The following OGDH variants were observed in gnomAD, a reference collection of about 807,000 sequenced individuals.
The protein encoded by OGDH is 2-oxoglutarate dehydrogenase complex component E1.
In OGDH, 38 loss-of-function variants were observed where a neutral mutation model predicts 116.6. The ratio of observed to expected loss-of-function variants is 0.33; its 90% CI spans 0.25 to 0.43. The LOEUF (loss-of-function observed/expected upper bound fraction) is 0.43, where lower values mean the gene tolerates loss of function less well. Ranked by LOEUF, OGDH falls within the 20% of genes least tolerant of loss-of-function variation. OGDH has a pLI of 1.00. For missense variants in OGDH, 825 were observed against 1,357.2 expected (o/e 0.61, Z 6.16); for synonymous variants, 488 against 533.3 (o/e 0.92, Z 1.17).
rs1394353924 is a variant in OGDH at position 44,694,405 on chromosome 7, C to G, written c.1516-19C>G. On this transcript the variant is annotated intron_variant, in intron 11 of 22. Coordinates refer to ENST00000222673, the MANE Select transcript of OGDH (RefSeq NM_002541.4). The surrounding 1 kb of genome is among the most constrained non-coding windows in gnomAD (Gnocchi z 4.2). ...GGGGCCAGCCCTTGTCTCTGACATC[C>G]TCTCACTGCTCTGAGCAGGTGTGTT... is the stretch of plus-strand genomic sequence containing the variant. The G allele has an allele frequency of 1.2e-6, 2 of 1,612,898 alleles. No homozygotes were observed. The highest frequency in any genetic ancestry group is 1.7e-6 in the Non-Finnish European group (2 of 1,179,598).
chr7:44,610,394 C>G (rs1251775135), intron 1 of OGDH, among the ~76,000 whole-genome samples: 2 of 150,754 alleles, frequency 1.3e-5, no homozygotes, highest in Non-Finnish European at 3.0e-5. Flanking sequence ...ACCTCTGCCT[C>G]CCAGGTTCAA....
chr7:44,632,153 AAGG>A (rs1422312558), intron 2 of OGDH, among the ~76,000 whole-genome samples: 1 of 152,136 alleles, frequency 6.6e-6, no homozygotes, highest in Non-Finnish European at 1.5e-5. Context: ...CAGCAGGTAG[AAGG>A]AGAGCAAGTT....
intron 2 of OGDH, among the ~76,000 whole-genome samples, chr7:44,632,534 C>T (rs1411143463): frequency 6.6e-6 from 1 of 152,194 alleles, no homozygotes; most frequent in African/African-American, 2.4e-5. Flanking sequence ...AAACTCCTGG[C>T]TTCAAGCCAT....
chr7:44,698,431 C>A (rs564958091), intron 18 of OGDH, among the ~76,000 whole-genome samples, 168 bp downstream of exon 18: 1 of 152,166 alleles, frequency 6.6e-6, no homozygotes, highest in East Asian at 1.9e-4. Flanking sequence ...TGCTTCTGGG[C>A]GCCCTGGGAT....
chr7:44,625,737 A>G (rs1227053908), intron 2 of OGDH, among the ~76,000 whole-genome samples: 1 of 152,164 alleles, frequency 6.6e-6, no homozygotes. Flanking sequence ...GGGGCTTATC[A>G]CCAAAAGGAA....
At chr7:44,686,806 G>A (rs1004126054) in intron 10 of OGDH, among the ~76,000 whole-genome samples, 1 of 149,618 alleles carries the variant, frequency 6.7e-6, no homozygotes, top group African/African-American at 2.5e-5. Context: ...TCCTGCTTCA[G>A]CCTCCTGAGT....
rs948368040 is a variant in OGDH, at chr7:44,694,315, G to A, written c.1516-109G>A. The A allele has an allele frequency of 3.7e-6, 5 of 1,346,508 alleles. No homozygotes were observed. The highest frequency in any genetic ancestry group is 5.1e-6 in the Non-Finnish European group (5 of 985,770). 83.4% of individuals were successfully genotyped at this position (1,346,508 alleles called of 1,614,324 possible). ...AGGTAAACTCCAGGGCAGGCATGAGGAATGAAGAACGTGGCCATCACCTAG... is the reference window on the plus strand; with the variant it reads ...AGGTAAACTCCAGGGCAGGCATGAGAAATGAAGAACGTGGCCATCACCTAG... On this transcript the variant is annotated intron_variant, in intron 11 of 22. Coordinates refer to ENST00000222673, the MANE Select transcript of OGDH (RefSeq NM_002541.4). This position sits in a 1 kb window ranked among gnomAD's most constrained non-coding sequence, Gnocchi z 4.2.
At chr7:44,614,657 C>T (rs1226468416) in intron 1 of OGDH, among the ~76,000 whole-genome samples, 1 of 152,016 alleles carries the variant, frequency 6.6e-6, no homozygotes, top group African/African-American at 2.4e-5. Context: ...TCTACATCTT[C>T]TCTTTGCTGA....
At chr7:44,681,573 G>T in intron 9 of OGDH, 147 bp from the exon 10 acceptor site, 2 of 1,012,562 alleles carry the variant, frequency 2.0e-6, no homozygotes, top group Non-Finnish European at 2.9e-6. Flanking sequence ...GGGATTTGGG[G>T]CCCTGTGGAC....
At chr7:44,655,200 A>C (rs1483122272) in intron 4 of OGDH, among the ~76,000 whole-genome samples, 1 of 152,086 alleles carries the variant, frequency 6.6e-6, no homozygotes, top group Non-Finnish European at 1.5e-5. Context: ...AGGGTAGCTA[A>C]CATACACCTC....
intron 4 of OGDH, among the ~76,000 whole-genome samples, chr7:44,656,051 A>G (rs1006071275): frequency 5.9e-5 from 9 of 152,154 alleles, no homozygotes; most frequent in Admixed American, 3.9e-4. Context: ...ATGGCTTTCC[A>G]TCGTCAGGGT....
At chr7:44,651,561 TTTA>T (rs1193318408) in intron 4 of OGDH, among the ~76,000 whole-genome samples, 2 of 151,930 alleles carry the variant, frequency 1.3e-5, no homozygotes, top group Non-Finnish European at 2.9e-5. Flanking sequence ...GGGCCAGTGG[TTTA>T]TTATTATTAT....
At chr7:44,628,832 T>C (rs1245985535) in intron 2 of OGDH, among the ~76,000 whole-genome samples, 4 of 152,116 alleles carry the variant, frequency 2.6e-5, no homozygotes, top group Admixed American at 2.6e-4. Context: ...AAATCAGAGC[T>C]GCAAGTACCT....
intron 10 of OGDH, among the ~76,000 whole-genome samples, chr7:44,686,508 GT>G (rs1353946416): frequency 6.6e-6 from 1 of 151,998 alleles, no homozygotes; most frequent in Non-Finnish European, 1.5e-5. Context: ...CCTTTATCTG[GT>G]TTTGCTATCA....
chr7:44,660,167 C>G (rs972121974), intron 4 of OGDH, among the ~76,000 whole-genome samples: 2 of 152,158 alleles, frequency 1.3e-5, no homozygotes, highest in South Asian at 2.1e-4. Context: ...CTCTGTCATT[C>G]AGGCTATAGT....
At chr7:44,682,434 A>G (rs1787968623) in intron 10 of OGDH, among the ~76,000 whole-genome samples, 2 of 151,976 alleles carry the variant, frequency 1.3e-5, no homozygotes, top group South Asian at 4.2e-4. Context: ...ATGGTGGCCC[A>G]CAAATGTAAT....
chr7:44,607,389 C>T (rs979091058), intron 1 of OGDH, among the ~76,000 whole-genome samples: 1 of 152,182 alleles, frequency 6.6e-6, no homozygotes, highest in African/African-American at 2.4e-5. Flanking sequence ...GCGCCCTCGC[C>T]CTGACCTGGG....
intron 1 of OGDH, among the ~76,000 whole-genome samples, chr7:44,617,614 G>C (rs1433829867): frequency 1.3e-5 from 2 of 152,202 alleles, no homozygotes; most frequent in East Asian, 1.9e-4. Context: ...CTGTACATGA[G>C]TTCTTTGTAT....
intron 10 of OGDH, among the ~76,000 whole-genome samples, 188 bp downstream of exon 10, chr7:44,682,036 C>T (rs944992597): frequency 5.3e-5 from 8 of 152,170 alleles, no homozygotes; most frequent in African/African-American, 1.9e-4. Context: ...TGCTTCAGCC[C>T]ATGAGTTTGA....
Sources: gnomAD v4.1 joint callset for allele counts (sites outside exome capture counted in the v4.1 genomes callset) on GRCh38, gnomAD v4.1.1 for gene constraint, Gnocchi (gnomAD v3.1) non-coding constraint, MANE v1.5 for transcripts, NCBI Gene and HGNC (gene_info 2026-07-23, HGNC 2026-07-21) for gene names.